SEMA5A: variants seen among roughly 807,000 people sequenced by gnomAD.
SEMA5A encodes the protein semaphorin 5A.
In SEMA5A, 55 loss-of-function variants were observed where a neutral mutation model predicts 135.5. The observed-to-expected ratio is 0.41, with a 90% CI of 0.33 to 0.51. SEMA5A has a LOEUF of 0.51. Ranked by LOEUF, SEMA5A falls within the 20% of genes least tolerant of loss-of-function variation. The pLI is 0.37. For synonymous variants in SEMA5A, 580 were observed against 546.5 expected, an observed-to-expected ratio of 1.06 and a Z score of -0.85; for missense variants, 1,290 against 1,419.9, an observed-to-expected ratio of 0.91 and a Z score of 1.47.
In SEMA5A at chr5:9,515,725, A is replaced by G. The variant is rs1474686822; in HGVS notation, c.-175+29859T>C. Among the ~76,000 whole-genome samples, 7 of 152,216 alleles carry G rather than the reference A, an allele frequency of 4.6e-5. No individual in the cohort carries two copies. In the East Asian group the frequency reaches 7.7e-4, roughly 17 times the overall value. On this transcript the variant is annotated intron_variant, in intron 1 of 22. Coordinates refer to ENST00000382496, the MANE Select transcript of SEMA5A (RefSeq NM_003966.3). ...TACATGTCAGATCCAGCTCCTTAAG[A>G]GCAACTGATAAGAAAAAGATGAAGA...
chr5:9,476,464 T>C (rs1281358948), intron 1 of SEMA5A, among the ~76,000 whole-genome samples: 1 of 152,162 alleles, frequency 6.6e-6, no homozygotes, highest in Non-Finnish European at 1.5e-5. Context: ...TTAGCTGCCT[T>C]TTTGGTTTCT....
chr5:9,294,667 T>C (rs759122217), intron 5 of SEMA5A, among the ~76,000 whole-genome samples: 16 of 152,200 alleles, frequency 1.1e-4, no homozygotes, highest in Non-Finnish European at 1.6e-4. Context: ...GTCCAGGGAA[T>C]TGGACTTCTA....
chr5:9,101,758 G>T (rs1459108683), intron 16 of SEMA5A, among the ~76,000 whole-genome samples: 1 of 151,988 alleles, frequency 6.6e-6, no homozygotes, highest in East Asian at 1.9e-4. Flanking sequence ...TATAGGGTCT[G>T]CATTAGTACC....
chr5:9,357,256 T>TA (rs1264725346), intron 3 of SEMA5A, among the ~76,000 whole-genome samples: 3 of 152,140 alleles, frequency 2.0e-5, no homozygotes. Context: ...TAGAACTCCT[T>TA]AAAAAAAGAC....
chr5:9,123,258 C>CA (rs57533658), intron 13 of SEMA5A, among the ~76,000 whole-genome samples: 1,222 of 38,924 alleles, frequency 0.031, 427 homozygotes, highest in Non-Finnish European at 0.063. Flanking sequence ...GACTCCGCCT[C>CA]AAAAAAAAAA....
intron 3 of SEMA5A, among the ~76,000 whole-genome samples, 191 bp from the exon 4 acceptor site, chr5:9,338,003 G>A (rs1366165859): frequency 2.6e-5 from 4 of 152,216 alleles, no homozygotes; most frequent in Admixed American, 2.6e-4. Context: ...AACTTGTAAA[G>A]CACAGAGGGC....
rs368332909 is a variant in SEMA5A, at chr5:9,435,351, C to A, written c.-78+2405G>T. Among the ~76,000 whole-genome samples, 8 of 152,186 alleles carry A rather than the reference C, an allele frequency of 5.3e-5. No individual in the cohort carries two copies. The East Asian group carries it at 1.5e-3, about 29-fold the overall frequency. ...TTATTTCATAAATGAGTTATATATACCAGCTTAACAAAATGTCAAGAAAAT... is the reference window on the plus strand; with the variant it reads ...TTATTTCATAAATGAGTTATATATAACAGCTTAACAAAATGTCAAGAAAAT... On this transcript the variant is annotated intron_variant, in intron 2 of 22. Transcript: ENST00000382496.
intron 4 of SEMA5A, among the ~76,000 whole-genome samples, chr5:9,331,218 A>G (rs1297164639): frequency 6.6e-6 from 1 of 152,212 alleles, no homozygotes; most frequent in Non-Finnish European, 1.5e-5. Context: ...TTCAAGTAAA[A>G]ATAAGAATTA....
intron 12 of SEMA5A, among the ~76,000 whole-genome samples, chr5:9,139,129 G>C (rs1387060627): frequency 6.6e-6 from 1 of 152,126 alleles, no homozygotes; most frequent in Admixed American, 6.5e-5. Context: ...TGGGATTGCT[G>C]GATCAAATGG....
intron 22 of SEMA5A, 113 bp from the exon 23 acceptor site, chr5:9,043,129 T>G (rs1736053134): frequency 1.1e-6 from 1 of 924,750 alleles, no homozygotes; most frequent in Non-Finnish European, 1.6e-6. Context: ...AGACTCCATA[T>G]TTTAAAATAT....
At chr5:9,218,736 C>A (rs1746769736) in intron 8 of SEMA5A, among the ~76,000 whole-genome samples, 1 of 152,102 alleles carries the variant, frequency 6.6e-6, no homozygotes. Flanking sequence ...GGATCCAAGT[C>A]CTGCTAATGT....
chr5:9,286,741 C>T (rs540001214), intron 5 of SEMA5A, among the ~76,000 whole-genome samples: 3 of 152,140 alleles, frequency 2.0e-5, no homozygotes, highest in Non-Finnish European at 4.4e-5. Flanking sequence ...CACACACACA[C>T]ACGTGAATTT....
At chr5:9,250,471 C>T (rs1748716399) in intron 5 of SEMA5A, among the ~76,000 whole-genome samples, 1 of 152,108 alleles carries the variant, frequency 6.6e-6, no homozygotes, top group Non-Finnish European at 1.5e-5. Flanking sequence ...CACAATAAGA[C>T]AGTAAATCTT....
intron 2 of SEMA5A, among the ~76,000 whole-genome samples, chr5:9,437,097 A>C (rs548249657): frequency 6.6e-6 from 1 of 152,186 alleles, no homozygotes; most frequent in Non-Finnish European, 1.5e-5. Context: ...GTCCCAGGAC[A>C]GGAAGTGAGA....
At chr5:9,466,803 G>A (rs191726182) in intron 1 of SEMA5A, among the ~76,000 whole-genome samples, 165 of 152,188 alleles carry the variant, frequency 1.1e-3, no homozygotes, top group African/African-American at 3.8e-3. Flanking sequence ...TAAATAATTG[G>A]GATCCACTCC....
chr5:9,161,677 T>C (rs1047436570), intron 11 of SEMA5A, among the ~76,000 whole-genome samples: 12 of 152,354 alleles, frequency 7.9e-5, no homozygotes, highest in Admixed American at 3.9e-4. Context: ...GTCCTGGTGC[T>C]GCTCTGGAGA....
intron 2 of SEMA5A, among the ~76,000 whole-genome samples, chr5:9,406,661 T>A (rs147399423): frequency 0.023 from 3,444 of 152,212 alleles, 49 homozygotes; most frequent in Non-Finnish European, 0.03. Flanking sequence ...GTAACTCAAA[T>A]CCAAATTAGA....
intron 16 of SEMA5A, among the ~76,000 whole-genome samples, chr5:9,098,892 T>C (rs545953182): frequency 3.9e-5 from 6 of 152,364 alleles, no homozygotes; most frequent in African/African-American, 1.4e-4. Flanking sequence ...TTAAGTCACT[T>C]TTACAGTAGG....
intron 5 of SEMA5A, among the ~76,000 whole-genome samples, chr5:9,247,697 C>T (rs1029764923): frequency 6.6e-6 from 1 of 152,084 alleles, no homozygotes; most frequent in African/African-American, 2.4e-5. Context: ...TTCCAGATCT[C>T]AAGATATATG....
Sources: gnomAD v4.1 joint callset for allele counts (sites outside exome capture counted in the v4.1 genomes callset) on GRCh38, gnomAD v4.1.1 for gene constraint, MANE v1.5 for transcripts, NCBI Gene and HGNC (gene_info 2026-07-23, HGNC 2026-07-21) for gene names.